Variants in RTL4 observed in about 807,000 individuals in gnomAD.
RTL4 encodes retrotransposon Gag-like protein 4.
Under a neutral mutation model 5.3 loss-of-function variants are expected in RTL4, and 4 were observed. The ratio of observed to expected loss-of-function variants is 0.75; its 90% CI spans 0.37 to 1.72. The LOEUF is 1.72. RTL4 is among the 40% of genes most tolerant of loss of function. RTL4 has a pLI of 0.04. For missense variants in RTL4, 260 were observed against 227.1 expected (o/e 1.14, Z -0.93); for synonymous variants, 98 against 87.3 (o/e 1.12, Z -0.68).
chrX:112,364,627 G>A, the RTL4 span, among the ~76,000 whole-genome samples: 1 of 111,279 alleles, frequency 9.0e-6, no homozygotes, highest in Non-Finnish European at 1.9e-5. Flanking sequence ...GAGCATTGCT[G>A]AGAAGAGCAG....
At chrX:112,180,988 CT>C in the RTL4 span, among the ~76,000 whole-genome samples, 1 of 111,735 alleles carries the variant, frequency 8.9e-6, no homozygotes, top group African/African-American at 3.3e-5. Flanking sequence ...CCCGGCTCAT[CT>C]CATTGGGACT....
the RTL4 span, among the ~76,000 whole-genome samples, chrX:112,236,461 C>CTATATATAGATATAGATA: frequency 1.4e-5 from 1 of 72,076 alleles, no homozygotes; most frequent in African/African-American, 6.3e-5. Flanking sequence ...AGATATAGAT[C>CTATATATAGATATAGATA]TATATCTATA....
chrX:112,316,279 G>T, the RTL4 span, among the ~76,000 whole-genome samples: 1 of 111,589 alleles, frequency 9.0e-6, no homozygotes, highest in African/African-American at 3.3e-5. Flanking sequence ...CTGTTGTTTT[G>T]GGTTCCCTTC....
upstream of RTL4, among the ~76,000 whole-genome samples, chrX:112,451,289 C>T (rs769281204): frequency 2.6e-4 from 29 of 111,287 alleles, no homozygotes; most frequent in Non-Finnish European, 5.1e-4. Flanking sequence ...TGCTTGAGCC[C>T]AGGAGTTCAA....
At chrX:112,278,006 T>G in the RTL4 span, among the ~76,000 whole-genome samples, 1 of 112,108 alleles carries the variant, frequency 8.9e-6, no homozygotes, top group Non-Finnish European at 1.9e-5. Context: ...ATGATTTAAG[T>G]GTTCAGGGAA....
the RTL4 span, among the ~76,000 whole-genome samples, chrX:112,198,694 G>A: frequency 2.4e-4 from 26 of 110,526 alleles, 1 homozygote; most frequent in Admixed American, 1.6e-3. Flanking sequence ...TCTCCCCATC[G>A]ATCTATTTAA....
the RTL4 span, among the ~76,000 whole-genome samples, chrX:112,208,525 GA>G: frequency 8.9e-6 from 1 of 112,092 alleles, no homozygotes; most frequent in Non-Finnish European, 1.9e-5. Context: ...CTATTCAATA[GA>G]AAGGGCCATT....
At chrX:112,165,604 G>A in the RTL4 span, among the ~76,000 whole-genome samples, 1 of 111,163 alleles carries the variant, frequency 9.0e-6, no homozygotes, top group Non-Finnish European at 1.9e-5. Flanking sequence ...TCTCTTTCCC[G>A]TTTTGGCCTC....
the RTL4 span, chrX:112,319,846 C>T: frequency 8.9e-6 from 1 of 111,741 alleles, no homozygotes; most frequent in East Asian, 2.8e-4. Context: ...AAAGTATTCT[C>T]TTGTATAGGA....
chrX:112,116,446 G>T, the RTL4 span, among the ~76,000 whole-genome samples: 3 of 111,007 alleles, frequency 2.7e-5, no homozygotes, highest in Non-Finnish European at 3.8e-5. Flanking sequence ...CGTGGAAGGG[G>T]ACCCAAGCAG....
chrX:112,104,358 A>T, the RTL4 span, among the ~76,000 whole-genome samples: 2 of 112,341 alleles, frequency 1.8e-5, no homozygotes, highest in Non-Finnish European at 3.8e-5. Context: ...TGCAGTAAAC[A>T]TTGGAGTGGA....
the RTL4 span, among the ~76,000 whole-genome samples, chrX:112,247,967 C>T: frequency 1.8e-5 from 2 of 112,228 alleles, no homozygotes; most frequent in Admixed American, 9.5e-5. Flanking sequence ...GTGACCAATT[C>T]TGCTGCATGT....
At chrX:112,229,520 C>T in the RTL4 span, among the ~76,000 whole-genome samples, 2 of 111,736 alleles carry the variant, frequency 1.8e-5, no homozygotes, top group Non-Finnish European at 3.8e-5. Context: ...AGGATTTTGC[C>T]GTATCTCATG....
chrX:112,355,110 A>T, the RTL4 span, among the ~76,000 whole-genome samples: 4 of 111,582 alleles, frequency 3.6e-5, no homozygotes, highest in African/African-American at 1.3e-4. Context: ...AATAAGCAAG[A>T]CTTCACAAAA....
the RTL4 span, among the ~76,000 whole-genome samples, chrX:112,419,078 T>C: frequency 9.9e-6 from 1 of 101,336 alleles, no homozygotes; most frequent in Non-Finnish European, 2.0e-5. Context: ...TCTGGTGGTA[T>C]TGGTGGGGAC....
the RTL4 span, among the ~76,000 whole-genome samples, chrX:112,155,675 T>G: frequency 9.0e-6 from 1 of 111,597 alleles, no homozygotes; most frequent in South Asian, 3.8e-4. Flanking sequence ...CTCACAGTTT[T>G]TAACTGAGAT....
At chrX:112,392,142 C>A in the RTL4 span, among the ~76,000 whole-genome samples, 944 of 111,645 alleles carry the variant, frequency 8.5e-3, 9 homozygotes, top group African/African-American at 0.029. Flanking sequence ...GTAGCAAGGG[C>A]AGTTCCACAA....
chrX:112,131,290 G>T, the RTL4 span, among the ~76,000 whole-genome samples: 1 of 109,270 alleles, frequency 9.2e-6, no homozygotes, highest in East Asian at 2.9e-4. Context: ...ATTGATAAGG[G>T]AACTTGTACT....
the RTL4 span, among the ~76,000 whole-genome samples, chrX:112,185,087 A>T: frequency 1.8e-5 from 2 of 110,765 alleles, no homozygotes; most frequent in Non-Finnish European, 3.8e-5. Flanking sequence ...CACTCACAGA[A>T]TGGAAATCAC....
Sources: gnomAD v4.1 joint callset for allele counts (sites outside exome capture counted in the v4.1 genomes callset) on GRCh38, gnomAD v4.1.1 for gene constraint, MANE v1.5 for transcripts, NCBI Gene and HGNC (gene_info 2026-07-23, HGNC 2026-07-21) for gene names.